DSG3: variants seen among roughly 807,000 people sequenced by gnomAD.
The protein encoded by DSG3 is desmoglein 3.
Under a neutral mutation model 85.9 loss-of-function variants are expected in DSG3, and 63 were observed. The observed-to-expected ratio is 0.73, with a 90% CI of 0.60 to 0.90. The LOEUF (loss-of-function observed/expected upper bound fraction) is 0.90. Among genes scored for constraint, DSG3 ranks in the 40% least tolerant of loss-of-function variants. The pLI, the probability that DSG3 is intolerant of heterozygous loss-of-function variation, is 0.00. For synonymous variants in DSG3, 447 were observed against 441.9 expected (o/e 1.01, Z -0.14); for missense variants, 1,220 against 1,219.9 (o/e 1.00, Z 0.00).
At chr18:31,463,286 G>GA in intron 8 of DSG3, among the ~76,000 whole-genome samples, 1 of 152,242 alleles carries the variant, frequency 6.6e-6, no homozygotes, top group Non-Finnish European at 1.5e-5. Flanking sequence ...TCCATGTTTA[G>GA]ACATCTTTCT....
At position 31,476,244 on chromosome 18, in the gene DSG3, G is replaced by T; in HGVS notation, c.2984G>T (p.Cys995Phe). 1.9e-6 allele frequency: 3 copies of T among 1,610,366 alleles called. No individual in the cohort carries two copies. Among genetic ancestry groups the T allele is most frequent in the Non-Finnish European group, 2.5e-6 (3 of 1,177,870 alleles). The change falls in exon 16 of 16, where the codon TGC becomes TTC. Residue 995 changes from cysteine to phenylalanine, a missense_variant. Transcript: ENST00000257189. ...SHTMLCTEDP[C>F]SRLI Reference sequence around the variant, plus strand: ...ACTATGCTCTGTACAGAGGATCCTTGCTCCCGTCTAATATGACCAGAATGA... The same window carrying T: ...ACTATGCTCTGTACAGAGGATCCTTTCTCCCGTCTAATATGACCAGAATGA...
chr18:31,456,432 G>A lies in DSG3; in HGVS notation c.49-8G>A. 1 of 1,353,114 alleles carries A rather than the reference G, an allele frequency of 7.4e-7. No homozygotes were observed. The highest frequency in any genetic ancestry group is 2.6e-5 in the South Asian group (1 of 38,956). The allele number at this position is 1,353,114 out of a possible 1,614,324, so 83.8% of individuals were successfully genotyped here. Reference sequence around the variant, plus strand: ...ACATTTAATTCGACTTTATTTAAATGTCTGCAGGTGGTCATATTGGTTCAT... The same window carrying A: ...ACATTTAATTCGACTTTATTTAAATATCTGCAGGTGGTCATATTGGTTCAT... On this transcript the variant is annotated splice_region_variant and splice_polypyrimidine_tract_variant and intron_variant, in intron 1 of 15. Transcript: ENST00000257189.
In DSG3 at chr18:31,475,693, C is replaced by T. The variant is rs2072881872; in HGVS notation, c.2433C>T (p.Asp811=). 1 of 1,614,036 alleles carries T rather than the reference C, an allele frequency of 6.2e-7. No individual in the cohort carries two copies. The highest frequency in any genetic ancestry group is 1.1e-5 in the South Asian group (1 of 91,084). The stretch of plus-strand genomic sequence containing the variant: ...AAGACGATGGCCAGGAAGCAAATGA[C>T]TGCTTGTTGATCTATGATAATGAAG... ...AEEDDGQEAN[D]CLLIYDNEGA... is the part of the protein sequence containing the mutation. Residue 811 remains aspartate (D), a synonymous_variant, in exon 16 of 16, where the codon GAC becomes GAT. Coordinates refer to ENST00000257189, the MANE Select transcript of DSG3 (RefSeq NM_001944.3).
Position 31,469,221 on chromosome 18 carries a change from A to G in DSG3, c.1769A>G (p.Asp590Gly). The part of the protein sequence containing the change: ...RSLTLEVCQC[D>G]NRGICGTSYP... ...TTGACACTGGAAGTCTGTCAGTGTG[A>G]CAACAGGGGCATCTGTGGAACTTCT... The change falls in exon 12 of 16, where the codon GAC becomes GGC. Residue 590 changes from aspartate to glycine, a missense_variant. Transcript: ENST00000257189. The G allele has an allele frequency of 6.2e-7, 1 of 1,614,202 alleles. No individual in the cohort carries two copies. The highest frequency in any genetic ancestry group is 8.5e-7 in the Non-Finnish European group (1 of 1,180,038).
At chr18:31,471,475 T>C (rs971906430) in intron 12 of DSG3, among the ~76,000 whole-genome samples, 4 of 152,176 alleles carry the variant, frequency 2.6e-5, no homozygotes, top group African/African-American at 9.7e-5. Flanking sequence ...CTTCGGAGGC[T>C]GCATGCTTAA....
chr18:31,461,686 C>A (rs16961968), intron 8 of DSG3, among the ~76,000 whole-genome samples: 1,827 of 152,198 alleles, frequency 0.012, 38 homozygotes, highest in African/African-American at 0.041. Context: ...AGCACATGGT[C>A]ATATATTATG....
At chr18:31,468,993 G>T in intron 11 of DSG3, 96 bp from the exon 12 acceptor site, 1 of 1,491,292 alleles carries the variant, frequency 6.7e-7, no homozygotes. Flanking sequence ...TTTTCTTTAT[G>T]AATTATCCAG....
chr18:31,475,584 A>G (rs1221604144), intron 15 of DSG3, 62 bp from the exon 16 acceptor site: 3 of 1,561,168 alleles, frequency 1.9e-6, no homozygotes, highest in Non-Finnish European at 2.6e-6. Flanking sequence ...TACAAACAGT[A>G]TTATATTGTT....
chr18:31,452,592 T>C (rs1343566213), intron 1 of DSG3, among the ~76,000 whole-genome samples: 1 of 149,988 alleles, frequency 6.7e-6, no homozygotes, highest in Non-Finnish European at 1.5e-5. Context: ...TTGGTTAACA[T>C]TTTATTAAAT....
At chr18:31,470,995 A>G (rs1485031803) in intron 12 of DSG3, among the ~76,000 whole-genome samples, 1 of 152,248 alleles carries the variant, frequency 6.6e-6, no homozygotes, top group East Asian at 1.9e-4. Flanking sequence ...CATTTGAATA[A>G]AAGACTAACA....
At chr18:31,450,652 T>C (rs1357048192) in intron 1 of DSG3, among the ~76,000 whole-genome samples, 1 of 152,146 alleles carries the variant, frequency 6.6e-6, no homozygotes, top group Non-Finnish European at 1.5e-5. Flanking sequence ...AATAGCAAAG[T>C]CATAGACTTA....
At chr18:31,458,409 T>C in intron 3 of DSG3, 36 bp from the exon 4 acceptor site, 1 of 1,602,450 alleles carries the variant, frequency 6.2e-7, no homozygotes, top group Non-Finnish European at 8.5e-7. Flanking sequence ...GCTTGAGTGA[T>C]GGTCACCTCA....
intron 1 of DSG3, among the ~76,000 whole-genome samples, chr18:31,452,083 G>A (rs185045721): frequency 1.8e-4 from 28 of 152,300 alleles, no homozygotes; most frequent in Admixed American, 5.9e-4. Context: ...AAACTACAGC[G>A]TGAGGAGTGC....
At chr18:31,451,943 G>A (rs970070529) in intron 1 of DSG3, among the ~76,000 whole-genome samples, 15 of 152,138 alleles carry the variant, frequency 9.9e-5, no homozygotes, top group African/African-American at 2.9e-4. Context: ...AAATTACATA[G>A]ACAATTTGGT....
At position 31,460,889 on chromosome 18, in the gene DSG3, A is replaced by C. The variant is rs185193655; in HGVS notation, c.741A>C (p.Leu247=). Residue 247 remains leucine (L), a synonymous_variant, in exon 7 of 16, where the codon CTA becomes CTC. Coordinates refer to ENST00000257189, the MANE Select transcript of DSG3 (RefSeq NM_001944.3). The part of the protein sequence containing the change: ...VSGADKDGEG[L]STQCECNIKV... Reference sequence around the variant, plus strand: ...GTGCAGACAAAGATGGAGAAGGACTATCAACTCAATGTGAATGTAATATTA... The same window carrying C: ...GTGCAGACAAAGATGGAGAAGGACTCTCAACTCAATGTGAATGTAATATTA... 2 of 1,604,514 alleles carry C rather than the reference A, an allele frequency of 1.2e-6. No individual in the cohort carries two copies. Among genetic ancestry groups the C allele is most frequent in the Admixed American group, 1.7e-5 (1 of 57,580 alleles).
rs935846886 is a variant in DSG3, at chr18:31,476,289, C to A, written c.*29C>A. 7.6e-6 allele frequency: 12 copies of A among 1,571,498 alleles called. No homozygotes were observed. The highest frequency in any genetic ancestry group is 1.0e-5 in the Non-Finnish European group (12 of 1,159,056). ...GAATGAGCTGGAATACCACACTGACCAAATCTGGATCTTTGGACTAAAGTA... is the reference window on the plus strand; with the variant it reads ...GAATGAGCTGGAATACCACACTGACAAAATCTGGATCTTTGGACTAAAGTA... On this transcript the variant is annotated 3_prime_UTR_variant, in exon 16 of 16. Transcript: ENST00000257189.
chr18:31,472,211 T>C (rs2144243822), intron 12 of DSG3, 73 bp from the exon 13 acceptor site: 11 of 1,597,120 alleles, frequency 6.9e-6, no homozygotes, highest in Non-Finnish European at 8.5e-6. Context: ...TTGTAACATT[T>C]CTGAAAAATT....
At position 31,449,080 on chromosome 18, in the gene DSG3, T is replaced by A. The variant is rs148374003; in HGVS notation, c.48+1155T>A. 9.4e-3 allele frequency among the ~76,000 whole-genome samples: 1,433 copies of A among 152,252 alleles called. 24 individuals carry two copies. Among genetic ancestry groups the A allele is most frequent in the African/African-American group, 0.033 (1,379 of 41,544 alleles). ...CCAGCTAATTTTTTTGTATTGTTAG[T>A]AGAGATGGGGTTTTGCCATGTTGAC... On this transcript the variant is annotated intron_variant, in intron 1 of 15. Coordinates refer to ENST00000257189, the MANE Select transcript of DSG3 (RefSeq NM_001944.3).
Position 31,457,103 on chromosome 18 carries a change from A to G in DSG3, c.195A>G (p.Ser65=). ...AKPCREGEDN[S]KRNPIAKITS... ...CCTGCAGAGAAGGAGAAGATAACTC[A>G]AAAAGAAACCCAATTGCCAAGGTAA... The change falls in exon 3 of 16, where the codon TCA becomes TCG. Residue 65 remains serine, a synonymous_variant. Coordinates refer to ENST00000257189, the MANE Select transcript of DSG3 (RefSeq NM_001944.3). 6.2e-7 allele frequency: 1 copy of G among 1,612,386 alleles called. No homozygotes were observed. Among genetic ancestry groups the G allele is most frequent in the South Asian group, 1.1e-5 (1 of 90,716 alleles).
Sources: allele counts gnomAD v4.1 joint callset (sites outside exome capture counted in the v4.1 genomes callset), GRCh38; gene constraint gnomAD v4.1.1; transcripts MANE v1.5; gene names NCBI Gene and HGNC (gene_info 2026-07-23, HGNC 2026-07-21).